Variants in TOM1L2 observed in about 807,000 individuals in gnomAD.
TOM1L2 encodes the protein TOM1-like protein 2.
A neutral mutation model predicts 67.9 loss-of-function variants in TOM1L2; 31 were observed. That is an observed-to-expected ratio of 0.46 (90% CI 0.34 to 0.62). The LOEUF is 0.62. Ranked by LOEUF, TOM1L2 falls within the 20% of genes least tolerant of loss-of-function variation. The pLI, the probability that TOM1L2 is intolerant of heterozygous loss-of-function variation, is 0.01. For synonymous variants in TOM1L2, 256 were observed against 254.0 expected, an observed-to-expected ratio of 1.01 and a Z score of -0.07; for missense variants, 606 against 663.5, an observed-to-expected ratio of 0.91 and a Z score of 0.95.
intron 1 of TOM1L2, among the ~76,000 whole-genome samples, chr17:17,931,020 T>A (rs1303352776): frequency 6.6e-6 from 1 of 152,224 alleles, no homozygotes; most frequent in African/African-American, 2.4e-5. Flanking sequence ...CAGTTTCATA[T>A]AAAATATAAA....
intron 1 of TOM1L2, among the ~76,000 whole-genome samples, chr17:17,954,047 ATATAAGT>A (rs1010576874): frequency 5.3e-5 from 8 of 152,232 alleles, no homozygotes; most frequent in African/African-American, 1.4e-4. Context: ...TATTAAATAC[ATATAAGT>A]TATAAGTGCC....
chr17:17,850,125 G>C (rs2035875847), intron 13 of TOM1L2, among the ~76,000 whole-genome samples: 1 of 152,198 alleles, frequency 6.6e-6, no homozygotes, highest in Non-Finnish European at 1.5e-5. Flanking sequence ...GGGAGATGAG[G>C]TGTCTCCAGC....
intron 3 of TOM1L2, among the ~76,000 whole-genome samples, chr17:17,894,700 G>A (rs1568192901): frequency 6.6e-6 from 1 of 152,350 alleles, no homozygotes; most frequent in East Asian, 1.9e-4. Flanking sequence ...GGAGGCCGAG[G>A]CAGGTGGATC....
chr17:17,954,825 G>A (rs906073638), intron 1 of TOM1L2, among the ~76,000 whole-genome samples: 1 of 152,160 alleles, frequency 6.6e-6, no homozygotes, highest in Non-Finnish European at 1.5e-5. Flanking sequence ...AGAAAACTAA[G>A]AGCAAACACA....
chr17:17,864,262 G>GT (rs1303097598), intron 10 of TOM1L2, among the ~76,000 whole-genome samples: 3 of 150,700 alleles, frequency 2.0e-5, no homozygotes, highest in Non-Finnish European at 2.9e-5. Context: ...CCAGGCTGGA[G>GT]TGTAGTAGAG....
At chr17:17,899,943 G>A (rs926902276) in intron 2 of TOM1L2, among the ~76,000 whole-genome samples, 4 of 108,952 alleles carry the variant, frequency 3.7e-5, no homozygotes, top group Non-Finnish European at 7.0e-5. Context: ...GGGCATGGTG[G>A]CTCACAGTCT....
chr17:17,853,414 ATTGTT>A (rs1434559647), intron 12 of TOM1L2, among the ~76,000 whole-genome samples: 4 of 152,168 alleles, frequency 2.6e-5, no homozygotes, highest in Non-Finnish European at 4.4e-5. Context: ...TTTTCTTGTA[ATTGTT>A]TTGTTGCTGC....
At chr17:17,865,140 G>A (rs1245116317) in intron 10 of TOM1L2, among the ~76,000 whole-genome samples, 1 of 152,192 alleles carries the variant, frequency 6.6e-6, no homozygotes, top group Non-Finnish European at 1.5e-5. Flanking sequence ...CAAACTAAAT[G>A]AACTGTGGAA....
chr17:17,969,555 C>T (rs1229749615), intron 1 of TOM1L2, among the ~76,000 whole-genome samples: 1 of 152,070 alleles, frequency 6.6e-6, no homozygotes, highest in African/African-American at 2.4e-5. Flanking sequence ...TAATCATTTA[C>T]CTGAACTGAA....
intron 12 of TOM1L2, 136 bp downstream of exon 12, chr17:17,861,340 C>G: frequency 1.4e-6 from 1 of 724,066 alleles, no homozygotes; most frequent in Non-Finnish European, 2.3e-6. Context: ...CGGGGTGTCC[C>G]CCGTGGGTCT....
intron 1 of TOM1L2, among the ~76,000 whole-genome samples, chr17:17,916,107 G>A (rs948001184): frequency 4.2e-5 from 6 of 142,458 alleles, no homozygotes; most frequent in South Asian, 4.4e-4. Flanking sequence ...GGAGTCTTGC[G>A]CTGTCACCCA....
chr17:17,929,422 G>A (rs1274172193), intron 1 of TOM1L2, among the ~76,000 whole-genome samples: 1 of 152,240 alleles, frequency 6.6e-6, no homozygotes, highest in African/African-American at 2.4e-5. Flanking sequence ...ACCTGAGATC[G>A]GGAGTTCCAG....
Position 17,848,818 on chromosome 17 carries a change from C to T in TOM1L2, c.1375+5G>A, listed in dbSNP as rs2035799886. 1.2e-6 allele frequency: 2 copies of T among 1,614,120 alleles called. No individual in the cohort carries two copies. The highest frequency in any genetic ancestry group is 8.5e-7 in the Non-Finnish European group (1 of 1,180,012). On this transcript the variant is annotated splice_donor_5th_base_variant and intron_variant, in intron 14 of 14. Coordinates refer to ENST00000379504, the MANE Select transcript of TOM1L2 (RefSeq NM_001082968.2). Reference sequence around the variant, plus strand: ...GGGGCTGTAAGGCCACTGGCCAGGCCATACCTTCACTTGTGACACCCTCCT... The same window carrying T: ...GGGGCTGTAAGGCCACTGGCCAGGCTATACCTTCACTTGTGACACCCTCCT...
At chr17:17,966,328 A>G (rs6502629) in intron 1 of TOM1L2, among the ~76,000 whole-genome samples, 91,458 of 152,020 alleles carry the variant, frequency 0.6, 30,177 homozygotes, top group East Asian at 0.94. Flanking sequence ...GCCACTGAAT[A>G]AATAAATGAA....
At chr17:17,893,552 G>T in intron 4 of TOM1L2, 109 bp downstream of exon 4, 1 of 1,068,228 alleles carries the variant, frequency 9.4e-7, no homozygotes, top group Non-Finnish European at 1.3e-6. Flanking sequence ...TTTAAATGTA[G>T]AAGTCTCCAT....
chr17:17,938,918 C>A (rs1253667771), intron 1 of TOM1L2, among the ~76,000 whole-genome samples: 1 of 152,068 alleles, frequency 6.6e-6, no homozygotes, highest in African/African-American at 2.4e-5. Context: ...TGGGGTGGGG[C>A]CGCCCAGAGA....
At chr17:17,962,188 C>T (rs573146800) in intron 1 of TOM1L2, among the ~76,000 whole-genome samples, 48 of 151,886 alleles carry the variant, frequency 3.2e-4, no homozygotes, top group African/African-American at 1.1e-3. Context: ...TATGAGGTTC[C>T]TAGAGTAGTC....
intron 4 of TOM1L2, among the ~76,000 whole-genome samples, chr17:17,886,122 C>T (rs2037986156): frequency 6.6e-6 from 1 of 152,120 alleles, no homozygotes; most frequent in Admixed American, 6.5e-5. Flanking sequence ...ATTTAACTGT[C>T]TCCCTCACTC....
chr17:17,930,439 G>A (rs755135730), intron 1 of TOM1L2, among the ~76,000 whole-genome samples: 2 of 152,132 alleles, frequency 1.3e-5, no homozygotes, highest in Non-Finnish European at 2.9e-5. Context: ...AGACCCTCAC[G>A]GTAGACAGAC....
Sources: gnomAD v4.1 joint callset for allele counts (sites outside exome capture counted in the v4.1 genomes callset) on GRCh38, gnomAD v4.1.1 for gene constraint, MANE v1.5 for transcripts, NCBI Gene and HGNC (gene_info 2026-07-23, HGNC 2026-07-21) for gene names.